The following OSBPL3 variants were observed in gnomAD, a reference collection of about 807,000 sequenced individuals.
OSBPL3 encodes the protein oxysterol binding protein like 3, also known as oxysterol-binding protein-related protein 3.
Under a neutral mutation model 120.1 loss-of-function variants are expected in OSBPL3, and 65 were observed. That is an observed-to-expected ratio of 0.54 (90% CI 0.44 to 0.67). The LOEUF is 0.67. OSBPL3 is among the 30% of genes least tolerant of loss of function. The pLI is 0.00. For synonymous variants in OSBPL3, 416 were observed against 402.6 expected (o/e 1.03, Z -0.40); for missense variants, 1,004 against 1,082.1 (o/e 0.93, Z 1.01).
At position 24,871,735 on chromosome 7, in the gene OSBPL3, G is replaced by T; in HGVS notation, c.267+7C>A. ...CAATACCACAGTGGGCCCACAAAAA[G>T]ACTTACATCGGTTTGGCTCTTGGCA... is the stretch of plus-strand genomic sequence containing the variant. On this transcript the variant is annotated splice_region_variant and intron_variant, in intron 4 of 22. Coordinates refer to ENST00000313367, the MANE Select transcript of OSBPL3 (RefSeq NM_015550.4). This position sits in a 1 kb window ranked among gnomAD's most constrained non-coding sequence, Gnocchi z 4.8. 1 of 1,609,560 alleles carries T rather than the reference G, an allele frequency of 6.2e-7. No individual in the cohort carries two copies.
Position 24,852,379 on chromosome 7 carries a change from A to G in OSBPL3, c.1158+125T>C. 1 of 757,430 alleles carries G rather than the reference A, an allele frequency of 1.3e-6. No homozygotes were observed. Among genetic ancestry groups the G allele is most frequent in the South Asian group, 3.8e-5 (1 of 26,328 alleles). 46.9% of individuals were successfully genotyped at this position (757,430 alleles called of 1,614,324 possible). On this transcript the variant is annotated intron_variant, in intron 11 of 22. Coordinates refer to ENST00000313367, the MANE Select transcript of OSBPL3 (RefSeq NM_015550.4). The surrounding 1 kb of genome is among the most constrained non-coding windows in gnomAD (Gnocchi z 4.1). ...AAATAAGCAGATTTGATGAAAGGTT[A>G]GAATATAATTTGGATAATTTGGTTT...
At chr7:24,845,404 A>AAAAAAAAAAAG (rs1562814758) in intron 12 of OSBPL3, among the ~76,000 whole-genome samples, 1 of 145,600 alleles carries the variant, frequency 6.9e-6, no homozygotes, top group Non-Finnish European at 1.5e-5. Context: ...AAAAAAAAAA[A>AAAAAAAAAAAG]AAAAAAAAAA....
In OSBPL3 at chr7:24,816,667, A is replaced by G; in HGVS notation, c.1970T>C (p.Phe657Ser). 6.2e-7 allele frequency: 1 copy of G among 1,612,330 alleles called. No homozygotes were observed. The highest frequency in any genetic ancestry group is 8.5e-7 in the Non-Finnish European group (1 of 1,178,338). Residue 657 changes from phenylalanine to serine, a missense_variant, in exon 18 of 23, where the codon TTC becomes TCC. Phe to Ser is a radical substitution (Grantham distance 155, BLOSUM62 -2). This residue lies in a region of OSBPL3 where 473 missense variants were observed against 568.0 expected (regional missense o/e 0.83). Coordinates refer to ENST00000313367, the MANE Select transcript of OSBPL3 (RefSeq NM_015550.4). ...AACAATTTCCATGGATTTGCCCCAG[A>G]ATTTGTTTTTCCATCTCACATCTGA... ...FWQDVRWKNK[F>S]WGKSMEIVPI...
At chr7:24,825,144 G>A (rs1303163438) in intron 16 of OSBPL3, among the ~76,000 whole-genome samples, 2 of 152,184 alleles carry the variant, frequency 1.3e-5, no homozygotes, top group Non-Finnish European at 2.9e-5. Context: ...AGCAGTCACT[G>A]GGGCTGCTGG....
rs112248762 is a variant in OSBPL3 at position 24,946,129 on chromosome 7, GTCAGCTGGGAGC to G, written c.-150+33745_-150+33756del. On this transcript the variant is annotated intron_variant, in intron 1 of 22. Transcript: ENST00000313367. This position sits in a 1 kb window ranked among gnomAD's most constrained non-coding sequence, Gnocchi z 4.3. ...CCAAGGCTGGTAGTCAATGCCGGCT[GTCAGCTGGGAGC>G]TCAGCTGGGAGCTCAGCTGGGGCTG... Among the ~76,000 whole-genome samples the G allele has an allele frequency of 0.18, 26,190 of 144,500 alleles. 2,280 individuals are homozygous for G. Among genetic ancestry groups the G allele is most frequent in the African/African-American group, 0.22 (7,734 of 34,522 alleles). 94.8% of individuals were successfully genotyped at this position (144,500 alleles called of 152,430 possible). A position where few individuals can be genotyped will look rare whatever the true frequency, so the allele number is the denominator to read the frequency against.
intron 1 of OSBPL3, among the ~76,000 whole-genome samples, chr7:24,908,129 T>G (rs1463793722): frequency 6.6e-6 from 1 of 152,246 alleles, no homozygotes; most frequent in Non-Finnish European, 1.5e-5. Context: ...CAAATATTTC[T>G]AGTACCATAG....
At chr7:24,870,196 T>C (rs1403761046) in intron 5 of OSBPL3, among the ~76,000 whole-genome samples, 1 of 152,184 alleles carries the variant, frequency 6.6e-6, no homozygotes, top group Non-Finnish European at 1.5e-5. Flanking sequence ...ATGCTTTGAC[T>C]ATCTCTACCA....
At chr7:24,861,920 T>C (rs889387332) in intron 9 of OSBPL3, 151 bp from the exon 10 acceptor site, 3 of 486,982 alleles carry the variant, frequency 6.2e-6, no homozygotes, top group Non-Finnish European at 1.1e-5. Context: ...GGAGTCTCGC[T>C]CTGCCACCCA....
At chr7:24,944,359 T>C (rs1813454999) in intron 1 of OSBPL3, among the ~76,000 whole-genome samples, 1 of 152,224 alleles carries the variant, frequency 6.6e-6, no homozygotes, top group Non-Finnish European at 1.5e-5. Flanking sequence ...CCGGGCGCGG[T>C]GGCTCACGCC....
At position 24,932,339 on chromosome 7, in the gene OSBPL3, GAGAT is replaced by G. The variant is rs796551581; in HGVS notation, c.-149-39722_-149-39719del. ...TTTCAAGCTGTGCGCCCAGGGGTCT[GAGAT>G]AGGTTAGAATGCAAGAGCAAGAGAA... On this transcript the variant is annotated intron_variant, in intron 1 of 22. Coordinates refer to ENST00000313367, the MANE Select transcript of OSBPL3 (RefSeq NM_015550.4). This position sits in a 1 kb window ranked among gnomAD's most constrained non-coding sequence, Gnocchi z 5.6. Among the ~76,000 whole-genome samples the G allele has an allele frequency of 1.4e-4, 21 of 152,178 alleles. No homozygotes were observed. Among genetic ancestry groups the G allele is most frequent in the African/African-American group, 5.1e-4 (21 of 41,446 alleles).
At chr7:24,948,245 T>C (rs1169439818) in intron 1 of OSBPL3, among the ~76,000 whole-genome samples, 2 of 152,254 alleles carry the variant, frequency 1.3e-5, no homozygotes, top group African/African-American at 2.4e-5. Context: ...TGAAGCATTG[T>C]TGTACAGAAG....
In OSBPL3 at chr7:24,841,697, A is replaced by G. The variant is rs13244074; in HGVS notation, c.1401+582T>C. On this transcript the variant is annotated intron_variant, in intron 13 of 22. Transcript: ENST00000313367. ...CCAACAGAATGAGACTATGTCTCAA[A>G]AAAAAAAAAAAAAAAAAAAAAAAAG... is the stretch of plus-strand genomic sequence containing the variant. Among the ~76,000 whole-genome samples, 907 of 112,082 alleles carry G rather than the reference A, an allele frequency of 8.1e-3. 3 individuals are homozygous for G. Among genetic ancestry groups the G allele is most frequent in the East Asian group, 0.023 (70 of 3,044 alleles). 73.5% of individuals were successfully genotyped at this position (112,082 alleles called of 152,430 possible).
rs908368023 is a variant in OSBPL3 at position 24,871,171 on chromosome 7, A to G, written c.268-326T>C. On this transcript the variant is annotated intron_variant, in intron 4 of 22. Transcript: ENST00000313367. This position sits in a 1 kb window ranked among gnomAD's most constrained non-coding sequence, Gnocchi z 4.8. ...CCCATGGCAGTGAATTCACCTGTCA[A>G]CTGTACCACCTCCCACTGAATGAGT... Among the ~76,000 whole-genome samples the G allele has an allele frequency of 5.9e-5, 9 of 152,230 alleles. No individual in the cohort carries two copies. Among genetic ancestry groups the G allele is most frequent in the Non-Finnish European group, 1.3e-4 (9 of 68,040 alleles).
intron 1 of OSBPL3, among the ~76,000 whole-genome samples, chr7:24,973,183 C>A (rs150672506): frequency 1.4e-4 from 22 of 152,306 alleles, no homozygotes; most frequent in African/African-American, 5.3e-4. Flanking sequence ...TCAGAAATCA[C>A]AGATGAAAAT....
rs545478022 is a variant in OSBPL3 at position 24,832,405 on chromosome 7, G to C, written c.1747-1500C>G. ...CACGCCTGTAATCCCAGCTACTCAG[G>C]AGGCTGAAGTAGGAGAATCACTTGA... On this transcript the variant is annotated intron_variant, in intron 15 of 22. Coordinates refer to ENST00000313367, the MANE Select transcript of OSBPL3 (RefSeq NM_015550.4). Among the ~76,000 whole-genome samples, 553 of 151,258 alleles carry C rather than the reference G, an allele frequency of 3.7e-3. 9 individuals carry two copies. Among genetic ancestry groups the C allele is most frequent in the Non-Finnish European group, 2.0e-3 (134 of 67,834 alleles).
chr7:24,806,715 A>G lies in OSBPL3; in HGVS notation c.2444+61T>C, dbSNP rs1037918666. 12 of 1,540,044 alleles carry G rather than the reference A, an allele frequency of 7.8e-6. No homozygotes were observed. The South Asian group carries it at 1.2e-4, about 15-fold the overall frequency. ...GCCTCTGGTGGCCTAAGGATTGTTA[A>G]TAAGACTTTTTGTAAAGGGTTTTAC... On this transcript the variant is annotated intron_variant, in intron 21 of 22. Transcript: ENST00000313367. The surrounding 1 kb of genome is among the most constrained non-coding windows in gnomAD (Gnocchi z 5.2).
At position 24,942,565 on chromosome 7, in the gene OSBPL3, T is replaced by C. The variant is rs1304231122; in HGVS notation, c.-150+37321A>G. On this transcript the variant is annotated intron_variant, in intron 1 of 22. Coordinates refer to ENST00000313367, the MANE Select transcript of OSBPL3 (RefSeq NM_015550.4). ...AGAGAATTTAGAGTCCCTGAAATAT[T>C]AGGACAAATGCAAAGTATGAAAGCT... 3.3e-5 allele frequency among the ~76,000 whole-genome samples: 5 copies of C among 152,242 alleles called. No homozygotes were observed. The East Asian group carries it at 7.7e-4, about 23-fold the overall frequency.
intron 1 of OSBPL3, among the ~76,000 whole-genome samples, chr7:24,904,944 T>TGTGC (rs1807665822): frequency 6.6e-6 from 1 of 151,082 alleles, no homozygotes; most frequent in Non-Finnish European, 1.5e-5. Flanking sequence ...TGTGTGTGTG[T>TGTGC]GTGTGTGTGT....
At chr7:24,860,632 G>A (rs759579707) in intron 10 of OSBPL3, among the ~76,000 whole-genome samples, 2 of 152,088 alleles carry the variant, frequency 1.3e-5, no homozygotes, top group African/African-American at 4.8e-5. Flanking sequence ...CCAGTTTCGG[G>A]TATGTCTTTA....
Sources: gnomAD v4.1 joint callset for allele counts (sites outside exome capture counted in the v4.1 genomes callset) on GRCh38, gnomAD v4.1.1 for gene constraint, gnomAD v4.1.1 regional missense constraint, Gnocchi (gnomAD v3.1) non-coding constraint, MANE v1.5 for transcripts, NCBI Gene and HGNC (gene_info 2026-07-23, HGNC 2026-07-21) for gene names.